The following EFCAB8 variants were observed in gnomAD, a reference collection of about 807,000 sequenced individuals.
The protein encoded by EFCAB8 is EF-hand calcium-binding domain-containing protein 8.
A neutral mutation model predicts 116.3 loss-of-function variants in EFCAB8; 100 were observed. The ratio of observed to expected loss-of-function variants is 0.86; its 90% CI spans 0.73 to 1.02. The LOEUF is 1.02. Among genes scored for constraint, EFCAB8 ranks in the 50% least tolerant of loss-of-function variants. The pLI, the probability that EFCAB8 is intolerant of heterozygous loss-of-function variation, is 0.00. For missense variants in EFCAB8, 1,320 were observed against 1,416.9 expected (o/e 0.93, Z 1.10); for synonymous variants, 558 against 567.9 (o/e 0.98, Z 0.25).
At position 32,907,020 on chromosome 20, in the gene EFCAB8, C is replaced by T. The variant is rs1452475189; in HGVS notation, c.1308+26C>T. 6 of 1,481,074 alleles carry T rather than the reference C, an allele frequency of 4.1e-6. No individual in the cohort carries two copies. The African/African-American group carries it at 5.6e-5, about 14-fold the overall frequency. 91.7% of individuals were successfully genotyped at this position (1,481,074 alleles called of 1,614,324 possible). ...GTCCGCCCCGACGGTCCGCCTGACT[C>T]CTTCTGTTCCTCAGGGAAACACACT... is the stretch of plus-strand genomic sequence containing the variant. On this transcript the variant is annotated intron_variant, in intron 13 of 26. Transcript: ENST00000400522.
At chr20:32,908,198 G>A in intron 13 of EFCAB8, 77 bp from the exon 14 acceptor site, 5 of 1,238,404 alleles carry the variant, frequency 4.0e-6, no homozygotes, top group Non-Finnish European at 5.1e-6. Context: ...GTTCGCCGGA[G>A]GCACCCCCGA....
At chr20:32,945,222 G>A (rs930231056) in intron 23 of EFCAB8, among the ~76,000 whole-genome samples, 3 of 151,962 alleles carry the variant, frequency 2.0e-5, no homozygotes, top group South Asian at 4.2e-4. Flanking sequence ...GCAGTGGCAC[G>A]AATTCAGCTC....
At chr20:32,894,031 A>T (rs1190875279) in intron 9 of EFCAB8, among the ~76,000 whole-genome samples, 1 of 152,070 alleles carries the variant, frequency 6.6e-6, no homozygotes, top group African/African-American at 2.4e-5. Context: ...TAGCAGGAGG[A>T]AGTCATTGGA....
chr20:32,877,605 A>C (rs527650428), intron 4 of EFCAB8, among the ~76,000 whole-genome samples: 14 of 152,358 alleles, frequency 9.2e-5, no homozygotes, highest in African/African-American at 3.1e-4. Flanking sequence ...ACCCCCTCGC[A>C]TTCCTAGCAT....
intron 11 of EFCAB8, among the ~76,000 whole-genome samples, chr20:32,901,798 C>T (rs1365362978): frequency 2.0e-5 from 3 of 152,214 alleles, no homozygotes; most frequent in Non-Finnish European, 4.4e-5. Context: ...AGCGATTCTC[C>T]TGCCTCAGCC....
intron 23 of EFCAB8, among the ~76,000 whole-genome samples, chr20:32,955,058 A>T (rs1988920862): frequency 6.6e-6 from 1 of 152,172 alleles, no homozygotes; most frequent in African/African-American, 2.4e-5. Context: ...ATACCATTTT[A>T]CTTTGGTTCT....
At chr20:32,885,782 G>A in intron 6 of EFCAB8, 142 bp downstream of exon 6, 1 of 1,097,784 alleles carries the variant, frequency 9.1e-7, no homozygotes, top group Non-Finnish European at 1.3e-6. Flanking sequence ...CCTGGGTCCT[G>A]ACTTGGCTTC....
rs1462786376 is a variant in EFCAB8, at chr20:32,925,437, T to G, written c.2413-4961T>G. Among the ~76,000 whole-genome samples, 6 of 152,326 alleles carry G rather than the reference T, an allele frequency of 3.9e-5. No homozygotes were observed. The South Asian group carries it at 8.3e-4, about 21-fold the overall frequency. On this transcript the variant is annotated intron_variant, in intron 20 of 26. Coordinates refer to ENST00000400522, the MANE Select transcript of EFCAB8 (RefSeq NM_001143967.2). ...TTTCACCATGTTGTCCAGGCTGGTC[T>G]TGAACTCCTGACCTTAAGTGATCCT...
At chr20:32,899,371 C>T (rs1406339764) in intron 11 of EFCAB8, among the ~76,000 whole-genome samples, 1 of 146,438 alleles carries the variant, frequency 6.8e-6, no homozygotes, top group African/African-American at 2.5e-5. Context: ...CGCCACTGCA[C>T]TCCAGCCTGG....
Position 32,875,502 on chromosome 20 carries a change from G to GTTT in EFCAB8, c.209-408_209-406dup, listed in dbSNP as rs57620114. Among the ~76,000 whole-genome samples the GTTT allele has an allele frequency of 3.0e-4, 27 of 89,890 alleles. 4 individuals are homozygous for GTTT. Among genetic ancestry groups the GTTT allele is most frequent in the South Asian group, 7.6e-4 (2 of 2,634 alleles). The allele number at this position is 89,890 out of a possible 152,430, so 59.0% of individuals were successfully genotyped here. A position where few individuals can be genotyped will look rare whatever the true frequency, so the allele number is the denominator to read the frequency against. ...CTGAGCACACCTGGTAAACATGGTG[G>GTTT]TTTTTTTTTTTTTTTTTTGAGACAG... On this transcript the variant is annotated intron_variant, in intron 3 of 26. Transcript: ENST00000400522.
At chr20:32,865,568 C>T (rs899002697) in intron 2 of EFCAB8, among the ~76,000 whole-genome samples, 1 of 151,904 alleles carries the variant, frequency 6.6e-6, no homozygotes, top group Non-Finnish European at 1.5e-5. Flanking sequence ...GAGGCCAAGG[C>T]AGGAGGATCA....
At chr20:32,885,401 C>A (rs1985569153) in intron 5 of EFCAB8, 104 bp from the exon 6 acceptor site, 1 of 1,466,408 alleles carries the variant, frequency 6.8e-7, no homozygotes, top group African/African-American at 1.4e-5. Context: ...TGACGCTCCG[C>A]CGGCTTTTGT....
intron 1 of EFCAB8, among the ~76,000 whole-genome samples, chr20:32,862,449 C>G (rs1984162613): frequency 6.6e-6 from 1 of 152,046 alleles, no homozygotes; most frequent in Admixed American, 6.6e-5. Context: ...CTCTTTGCTC[C>G]TTTTTCTGAA....
chr20:32,886,271 A>G (rs1001616005), intron 6 of EFCAB8, among the ~76,000 whole-genome samples: 1 of 152,078 alleles, frequency 6.6e-6, no homozygotes, highest in Non-Finnish European at 1.5e-5. Context: ...GGGGCAGGGC[A>G]GGGCACGCAG....
chr20:32,953,989 A>G (rs866383739), intron 23 of EFCAB8, among the ~76,000 whole-genome samples: 1 of 152,028 alleles, frequency 6.6e-6, no homozygotes, highest in South Asian at 2.1e-4. Context: ...TATTTTTAGT[A>G]GAGACAGAGT....
chr20:32,928,245 T>TC (rs900031276), intron 20 of EFCAB8, among the ~76,000 whole-genome samples: 1 of 140,898 alleles, frequency 7.1e-6, no homozygotes, highest in African/African-American at 2.5e-5. Flanking sequence ...TTTTTATTTT[T>TC]TTTTTTTTGA....
chr20:32,946,519 G>T (rs1988600939), intron 23 of EFCAB8, among the ~76,000 whole-genome samples: 1 of 152,020 alleles, frequency 6.6e-6, no homozygotes. Context: ...AGGAAGTTCT[G>T]GATCTTCCTA....
intron 22 of EFCAB8, among the ~76,000 whole-genome samples, chr20:32,933,957 A>G (rs1001019577): frequency 6.6e-6 from 1 of 152,196 alleles, no homozygotes; most frequent in African/African-American, 2.4e-5. Context: ...AGCCTGGGCA[A>G]CAAAGTGAGA....
At chr20:32,898,879 C>T (rs1222565166) in intron 11 of EFCAB8, among the ~76,000 whole-genome samples, 1 of 152,170 alleles carries the variant, frequency 6.6e-6, no homozygotes, top group Non-Finnish European at 1.5e-5. Flanking sequence ...GAAGGGATGA[C>T]TGTGAGTTAC....
Sources: allele counts gnomAD v4.1 joint callset (sites outside exome capture counted in the v4.1 genomes callset), GRCh38; gene constraint gnomAD v4.1.1; transcripts MANE v1.5; gene names NCBI Gene and HGNC (gene_info 2026-07-23, HGNC 2026-07-21).